Variants in ZFAT observed in about 807,000 individuals in gnomAD.
The protein encoded by ZFAT is zinc finger protein ZFAT.
ZFAT carries 64 observed loss-of-function variants against 117.7 expected under a neutral mutation model. The observed-to-expected ratio is 0.54, with a 90% CI of 0.44 to 0.67. The LOEUF (loss-of-function observed/expected upper bound fraction) is 0.67. ZFAT is among the 30% of genes least tolerant of loss of function. The pLI, the probability that ZFAT is intolerant of heterozygous loss-of-function variation, is 0.00. For missense variants in ZFAT, 1,433 were observed against 1,584.5 expected (o/e 0.90, Z 1.62); for synonymous variants, 679 against 615.0 (o/e 1.10, Z -1.54).
At chr8:134,697,200 C>T (rs897962294) in intron 1 of ZFAT, among the ~76,000 whole-genome samples, 4 of 152,034 alleles carry the variant, frequency 2.6e-5, no homozygotes, top group Non-Finnish European at 5.9e-5. Context: ...CTGCAACCTC[C>T]GCCTCCCTGG....
At chr8:134,636,375 C>A (rs2131096603) in intron 3 of ZFAT, among the ~76,000 whole-genome samples, 1 of 152,342 alleles carries the variant, frequency 6.6e-6, no homozygotes, top group Non-Finnish European at 1.5e-5. Context: ...GAACGGCTCA[C>A]TGTAATAGCT....
At chr8:134,789,554 T>C in the ZFAT span, among the ~76,000 whole-genome samples, 1 of 152,216 alleles carries the variant, frequency 6.6e-6, no homozygotes, top group Non-Finnish European at 1.5e-5. Flanking sequence ...GGATCTTTTG[T>C]TTCTTGCCCA....
chr8:134,798,277 A>G, the ZFAT span: 1 of 152,026 alleles, frequency 6.6e-6, no homozygotes, highest in African/African-American at 2.4e-5. Context: ...ACATATCCCA[A>G]AATTATCAAA....
intron 1 of ZFAT, among the ~76,000 whole-genome samples, chr8:134,682,252 C>T (rs1386926974): frequency 2.6e-5 from 4 of 152,176 alleles, no homozygotes; most frequent in African/African-American, 4.8e-5. Context: ...TTAGGGAGCA[C>T]GGATATTTTA....
intron 15 of ZFAT, among the ~76,000 whole-genome samples, chr8:134,501,684 G>A (rs948047042): frequency 8.5e-5 from 13 of 152,132 alleles, no homozygotes; most frequent in African/African-American, 3.1e-4. Flanking sequence ...AAAGGTGAGT[G>A]GAAAGAAAAG....
the ZFAT span, among the ~76,000 whole-genome samples, chr8:134,780,427 T>C: frequency 6.6e-6 from 1 of 152,228 alleles, no homozygotes; most frequent in Non-Finnish European, 1.5e-5. Flanking sequence ...TTCTTTCAAG[T>C]TCCACCTGCT....
chr8:134,564,384 T>C (rs889024502), intron 11 of ZFAT, among the ~76,000 whole-genome samples: 2 of 152,114 alleles, frequency 1.3e-5, no homozygotes, highest in African/African-American at 4.8e-5. Flanking sequence ...GGCAAGGACT[T>C]AGTAATTGCT....
At chr8:134,657,822 C>A in intron 1 of ZFAT, 85 bp from the exon 2 acceptor site, 1 of 1,437,608 alleles carries the variant, frequency 7.0e-7, no homozygotes, top group Non-Finnish European at 9.4e-7. Context: ...ATACCGAAAG[C>A]TGCCCTTCTG....
the ZFAT span, among the ~76,000 whole-genome samples, chr8:134,727,364 TGAG>T: frequency 2.0e-5 from 3 of 152,182 alleles, no homozygotes; most frequent in Non-Finnish European, 2.9e-5. Context: ...CTGCTGTGTT[TGAG>T]GAGAAGAACG....
Position 134,602,913 on chromosome 8 carries a change from T to A in ZFAT, c.806A>T (p.Lys269Ile). 1 of 1,611,036 alleles carries A rather than the reference T, an allele frequency of 6.2e-7. No individual in the cohort carries two copies. Among genetic ancestry groups the A allele is most frequent in the Non-Finnish European group, 8.5e-7 (1 of 1,178,336 alleles). ...KSSRLGPTQL[K>I]IFTCEYCNKV... is the part of the protein sequence containing the mutation. ...GTTGCAGTATTCACAAGTGAAGATT[T>A]TGAGCTGAGTGGGACCTAGCCTAGA... is the stretch of plus-strand genomic sequence containing the variant. Residue 269 changes from lysine to isoleucine, a missense_variant, in exon 6 of 16, where the codon AAA (lysine) becomes ATA (isoleucine). Physicochemically the swap from Lys to Ile is moderately radical, Grantham distance 102 (BLOSUM62 -3). Around this residue, in one of 5 missense-constraint regions of ZFAT, gnomAD observed 436 missense variants for 482.0 expected, o/e 0.90. Transcript: ENST00000377838.
chr8:134,626,609 G>A (rs79649545), intron 3 of ZFAT, among the ~76,000 whole-genome samples: 1,892 of 152,312 alleles, frequency 0.012, 26 homozygotes, highest in African/African-American at 0.043. Context: ...GGGATTCCAC[G>A]GATCTCTGGG....
chr8:134,645,152 T>A (rs1349438235), intron 2 of ZFAT, among the ~76,000 whole-genome samples: 2 of 152,216 alleles, frequency 1.3e-5, no homozygotes, highest in African/African-American at 4.8e-5. Flanking sequence ...TAAAAGGCTA[T>A]AAAATAAACC....
At chr8:134,520,324 T>C (rs1820559410) in intron 13 of ZFAT, among the ~76,000 whole-genome samples, 1 of 152,212 alleles carries the variant, frequency 6.6e-6, no homozygotes, top group African/African-American at 2.4e-5. Context: ...TGAGAAACCC[T>C]GCCTTAGATA....
intron 5 of ZFAT, among the ~76,000 whole-genome samples, chr8:134,606,195 C>T (rs1827877987): frequency 6.6e-6 from 1 of 152,188 alleles, no homozygotes; most frequent in Admixed American, 6.5e-5. Flanking sequence ...GGACAAGCCT[C>T]AGAGGTGGCA....
Position 134,610,639 on chromosome 8 carries a change from A to G in ZFAT, c.465T>C (p.Leu155=), listed in dbSNP as rs374655988. The G allele has an allele frequency of 2.5e-6, 4 of 1,613,860 alleles. No homozygotes were observed. Among genetic ancestry groups the G allele is most frequent in the Admixed American group, 3.3e-5 (2 of 59,972 alleles). ...EEGEAGNESD[L]ELEKKCKEDD... ...CTTCCTTACACTTCTTTTCTAGTTC[A>G]AGGTCAGACTCGTTACCTAAGGAGC... is the stretch of plus-strand genomic sequence containing the variant. Residue 155 remains leucine, a synonymous_variant, in exon 4 of 16, where the codon CTT becomes CTC. Coordinates refer to ENST00000377838, the MANE Select transcript of ZFAT (RefSeq NM_020863.4).
chr8:134,742,024 A>G, the ZFAT span, among the ~76,000 whole-genome samples: 4 of 152,220 alleles, frequency 2.6e-5, no homozygotes, highest in East Asian at 5.8e-4. Context: ...CTCTAGGACC[A>G]TGGGAACAGC....
At chr8:134,689,307 C>G (rs1351870549) in intron 1 of ZFAT, among the ~76,000 whole-genome samples, 1 of 152,244 alleles carries the variant, frequency 6.6e-6, no homozygotes, top group African/African-American at 2.4e-5. Flanking sequence ...AGCACTGCTA[C>G]TCTTGGCGCT....
intron 15 of ZFAT, among the ~76,000 whole-genome samples, chr8:134,505,549 C>G (rs1213965485): frequency 6.6e-6 from 1 of 152,120 alleles, no homozygotes; most frequent in Non-Finnish European, 1.5e-5. Context: ...TGGGTGGGTC[C>G]AATGTCATCA....
At chr8:134,557,403 T>C (rs1823726342) in intron 11 of ZFAT, among the ~76,000 whole-genome samples, 1 of 152,168 alleles carries the variant, frequency 6.6e-6, no homozygotes, top group Admixed American at 6.5e-5. Flanking sequence ...GATCCTGAAA[T>C]AGGCAAATGC....
Sources: allele counts gnomAD v4.1 joint callset (sites outside exome capture counted in the v4.1 genomes callset), GRCh38; gene constraint gnomAD v4.1.1; regional missense constraint gnomAD v4.1.1; transcripts MANE v1.5; gene names NCBI Gene and HGNC (gene_info 2026-07-23, HGNC 2026-07-21).